The following MARCHF4 variants were observed in gnomAD, a reference collection of about 807,000 sequenced individuals.
MARCHF4 encodes the protein E3 ubiquitin-protein ligase MARCHF4.
Under a neutral mutation model 43.9 loss-of-function variants are expected in MARCHF4, and 14 were observed. That is an observed-to-expected ratio of 0.32 (90% CI 0.21 to 0.50). MARCHF4 has a LOEUF of 0.50. Ranked by LOEUF, MARCHF4 falls within the 20% of genes least tolerant of loss-of-function variation. The probability of loss-of-function intolerance (pLI) is 0.98; values close to 1 mark genes in which losing one functional copy is unlikely to be tolerated. For missense variants in MARCHF4, 468 were observed against 536.7 expected, an observed-to-expected ratio of 0.87 and a Z score of 1.27; for synonymous variants, 226 against 213.3, an observed-to-expected ratio of 1.06 and a Z score of -0.52.
intron 1 of MARCHF4, among the ~76,000 whole-genome samples, chr2:216,285,388 T>C (rs1279672694): frequency 1.3e-5 from 2 of 152,202 alleles, no homozygotes; most frequent in Non-Finnish European, 2.9e-5. Context: ...CAGGCCCTCT[T>C]TGCTGTGGCT....
intron 1 of MARCHF4, among the ~76,000 whole-genome samples, chr2:216,333,799 C>T (rs187585548): frequency 2.6e-5 from 4 of 152,276 alleles, no homozygotes; most frequent in Admixed American, 6.5e-5. Flanking sequence ...GAAAGAGACC[C>T]GTCCCTAGGA....
At chr2:216,268,053 G>A (rs1690872665) in intron 3 of MARCHF4, among the ~76,000 whole-genome samples, 2 of 152,188 alleles carry the variant, frequency 1.3e-5, no homozygotes, top group South Asian at 4.2e-4. Context: ...ACGTGGATGG[G>A]CATCATCTCG....
At chr2:216,270,198 C>A (rs1690912751) in intron 3 of MARCHF4, among the ~76,000 whole-genome samples, 1 of 152,104 alleles carries the variant, frequency 6.6e-6, no homozygotes. Context: ...GTCTCAGCCT[C>A]CTGAGTAACT....
intron 1 of MARCHF4, among the ~76,000 whole-genome samples, chr2:216,322,292 C>A (rs559853207): frequency 1.3e-5 from 2 of 152,282 alleles, no homozygotes; most frequent in African/African-American, 4.8e-5. Context: ...TAAAACCAGA[C>A]GATTGGCCCA....
chr2:216,305,239 G>A (rs551337987), intron 1 of MARCHF4, among the ~76,000 whole-genome samples: 19 of 152,352 alleles, frequency 1.2e-4, no homozygotes, highest in Middle Eastern at 3.4e-3. Flanking sequence ...ATCTGGTGAT[G>A]TGTGTCTGTA....
At chr2:216,307,918 T>A (rs1181888070) in intron 1 of MARCHF4, among the ~76,000 whole-genome samples, 1 of 152,088 alleles carries the variant, frequency 6.6e-6, no homozygotes, top group African/African-American at 2.4e-5. Context: ...TAGCTAGGCA[T>A]GGTGGCATGC....
At chr2:216,276,885 A>C (rs947257047) in intron 3 of MARCHF4, among the ~76,000 whole-genome samples, 8 of 152,152 alleles carry the variant, frequency 5.3e-5, no homozygotes, top group Admixed American at 4.6e-4. Context: ...GCCCGCAACC[A>C]CCCAAACTAC....
intron 1 of MARCHF4, among the ~76,000 whole-genome samples, chr2:216,345,628 T>C (rs1428287979): frequency 6.6e-6 from 1 of 152,298 alleles, no homozygotes; most frequent in African/African-American, 2.4e-5. Flanking sequence ...GGCTGGGCAT[T>C]GGGAAAACCC....
At chr2:216,316,726 C>T (rs1034260325) in intron 1 of MARCHF4, among the ~76,000 whole-genome samples, 1 of 152,182 alleles carries the variant, frequency 6.6e-6, no homozygotes. Flanking sequence ...CTATGTACTT[C>T]TTGCCCCACC....
intron 1 of MARCHF4, among the ~76,000 whole-genome samples, chr2:216,345,452 C>T (rs1692305140): frequency 6.6e-6 from 1 of 152,012 alleles, no homozygotes; most frequent in Non-Finnish European, 1.5e-5. Context: ...ACAGCCTAGC[C>T]CATCTGGACC....
intron 1 of MARCHF4, among the ~76,000 whole-genome samples, chr2:216,360,871 G>A (rs1163166936): frequency 2.6e-5 from 4 of 151,696 alleles, no homozygotes; most frequent in Non-Finnish European, 5.9e-5. Flanking sequence ...ATGTTGCCCA[G>A]GCTGGTCTCA....
chr2:216,304,744 C>T (rs1282209510), intron 1 of MARCHF4, among the ~76,000 whole-genome samples: 2 of 151,912 alleles, frequency 1.3e-5, no homozygotes, highest in Non-Finnish European at 2.9e-5. Context: ...ACCTGAGGTC[C>T]GGAGTTTGAG....
chr2:216,264,240 C>A (rs972387925), intron 3 of MARCHF4, among the ~76,000 whole-genome samples: 3 of 152,108 alleles, frequency 2.0e-5, no homozygotes, highest in Non-Finnish European at 4.4e-5. Flanking sequence ...TGGATCACAC[C>A]CCTTTGAGGA....
intron 1 of MARCHF4, among the ~76,000 whole-genome samples, chr2:216,333,056 A>G (rs1351864645): frequency 6.6e-6 from 1 of 152,254 alleles, no homozygotes; most frequent in African/African-American, 2.4e-5. Context: ...TAACTCTTCT[A>G]GAAGAAAACA....
intron 1 of MARCHF4, among the ~76,000 whole-genome samples, chr2:216,345,354 TTTTTTTAAGAATC>T (rs1251345667): frequency 6.6e-6 from 1 of 152,150 alleles, no homozygotes; most frequent in East Asian, 1.9e-4. Context: ...GATTTTTTTT[TTTTTTTAAGAATC>T]TTGCCTCGAG....
At chr2:216,353,270 A>G (rs1474942993) in intron 1 of MARCHF4, among the ~76,000 whole-genome samples, 1 of 152,240 alleles carries the variant, frequency 6.6e-6, no homozygotes, top group Admixed American at 6.5e-5. Context: ...CTAGAAAATC[A>G]AATTAACCAT....
rs374271651 is a variant in MARCHF4, at chr2:216,370,151, A to T, written c.110T>A (p.Leu37His). ...GAGCATGCGGCAGCGGCACTTGAGG[A>T]GACCCTGGTGGCGCAACATCTGGGG... The part of the protein sequence containing the change: ...PAPQMLRHQG[L>H]LKCRCRMLFN... Residue 37 changes from leucine (L) to histidine (H), a missense_variant, in exon 1 of 4, where the codon CTC becomes CAC. Leu to His is a moderately conservative substitution (Grantham distance 99). Around this residue, in one of 3 missense-constraint regions of MARCHF4, gnomAD observed 190 missense variants for 158.5 expected, o/e 1.20. Coordinates refer to ENST00000273067, the MANE Select transcript of MARCHF4 (RefSeq NM_020814.3). 1.9e-6 allele frequency: 3 copies of T among 1,609,862 alleles called. No homozygotes were observed. The African/African-American group carries it at 4.0e-5, about 21-fold the overall frequency.
chr2:216,266,862 G>C (rs1459317439), intron 3 of MARCHF4, among the ~76,000 whole-genome samples: 1 of 152,158 alleles, frequency 6.6e-6, no homozygotes, highest in Non-Finnish European at 1.5e-5. Context: ...ATTCTCCAGG[G>C]TGCAGCTTTA....
At chr2:216,341,881 C>T (rs1312942525) in intron 1 of MARCHF4, among the ~76,000 whole-genome samples, 1 of 152,160 alleles carries the variant, frequency 6.6e-6, no homozygotes, top group Non-Finnish European at 1.5e-5. Context: ...AGCAGCTGCT[C>T]ACCAACCAGC....
Sources: allele counts gnomAD v4.1 joint callset (sites outside exome capture counted in the v4.1 genomes callset), GRCh38; gene constraint gnomAD v4.1.1; regional missense constraint gnomAD v4.1.1; transcripts MANE v1.5; gene names NCBI Gene and HGNC (gene_info 2026-07-23, HGNC 2026-07-21).